Variants in KLF12 observed in about 807,000 individuals in gnomAD.
KLF12 encodes Krueppel-like factor 12.
Under a neutral mutation model 37.8 loss-of-function variants are expected in KLF12, and 9 were observed. The observed-to-expected ratio is 0.24, with a 90% CI of 0.14 to 0.42. The LOEUF is 0.42. Among genes scored for constraint, KLF12 ranks in the 10% least tolerant of loss-of-function variants. The probability of loss-of-function intolerance (pLI) is 1.00; values close to 1 mark genes in which losing one functional copy is unlikely to be tolerated. For missense variants in KLF12, 411 were observed against 516.0 expected (o/e 0.80, Z 1.97); for synonymous variants, 208 against 202.1 (o/e 1.03, Z -0.25).
At chr13:73,834,490 C>T (rs577172329) in intron 4 of KLF12, among the ~76,000 whole-genome samples, 2 of 152,248 alleles carry the variant, frequency 1.3e-5, no homozygotes, top group East Asian at 3.9e-4. Context: ...CTGTCCATTG[C>T]ATTTATTTTC....
At chr13:74,037,833 G>A (rs944639476) in intron 1 of KLF12, among the ~76,000 whole-genome samples, 2 of 152,194 alleles carry the variant, frequency 1.3e-5, no homozygotes, top group African/African-American at 4.8e-5. Context: ...CACTGCTGCT[G>A]TCTCTTAATA....
chr13:73,824,172 T>C (rs565187441), intron 4 of KLF12, among the ~76,000 whole-genome samples: 5 of 151,772 alleles, frequency 3.3e-5, no homozygotes, highest in East Asian at 1.9e-4. Context: ...ATTTGATCGG[T>C]TGATAAACAC....
the KLF12 span, among the ~76,000 whole-genome samples, chr13:74,268,166 A>AC: frequency 0.8 from 121,589 of 152,032 alleles, 48,859 homozygotes; most frequent in East Asian, 0.99. Context: ...CTAAGGAGAG[A>AC]TTCTCTATAT....
chr13:73,845,896 T>C lies in KLF12; in HGVS notation c.601A>G (p.Arg201Gly). ...GTGTTGTTCACATTTCCAGGTGACCTTACAGCTGTGTAGACAACAGGCACC... is the reference window on the plus strand; with the variant it reads ...GTGTTGTTCACATTTCCAGGTGACCCTACAGCTGTGTAGACAACAGGCACC... The change falls in exon 4 of 8, where the codon AGG (arginine) becomes GGG (glycine). Residue 201 changes from arginine to glycine, a missense_variant. Transcript: ENST00000377669. 1 of 1,614,150 alleles carries C rather than the reference T, an allele frequency of 6.2e-7. No homozygotes were observed. Among genetic ancestry groups the C allele is most frequent in the Non-Finnish European group, 8.5e-7 (1 of 1,179,998 alleles).
intron 3 of KLF12, among the ~76,000 whole-genome samples, chr13:73,873,978 CA>C (rs772226036): frequency 1.3e-5 from 2 of 151,630 alleles, no homozygotes; most frequent in Non-Finnish European, 2.9e-5. Flanking sequence ...CAAATGAATA[CA>C]AGTGAACTTG....
chr13:74,190,614 T>A, the KLF12 span, among the ~76,000 whole-genome samples: 14 of 152,246 alleles, frequency 9.2e-5, no homozygotes. Flanking sequence ...CAATTAATAC[T>A]TTATCATTTG....
At chr13:73,791,420 G>C (rs1881681903) in intron 5 of KLF12, among the ~76,000 whole-genome samples, 2 of 152,072 alleles carry the variant, frequency 1.3e-5, no homozygotes, top group East Asian at 1.9e-4. Flanking sequence ...CACATGAGCT[G>C]TTTGTCATTT....
the KLF12 span, among the ~76,000 whole-genome samples, chr13:74,177,394 G>T: frequency 6.6e-6 from 1 of 152,270 alleles, no homozygotes; most frequent in Non-Finnish European, 1.5e-5. Flanking sequence ...ATTTTTGCCA[G>T]CCCTGCGTAA....
At chr13:74,086,154 A>G (rs966874406) in intron 1 of KLF12, among the ~76,000 whole-genome samples, 9 of 151,844 alleles carry the variant, frequency 5.9e-5, no homozygotes, top group Non-Finnish European at 1.3e-4. Flanking sequence ...GTTTTAGGGT[A>G]CACGTGCACA....
intron 1 of KLF12, among the ~76,000 whole-genome samples, chr13:74,088,982 C>T (rs1875487551): frequency 6.6e-6 from 1 of 152,116 alleles, no homozygotes; most frequent in Non-Finnish European, 1.5e-5. Flanking sequence ...AAATAAAACG[C>T]CTGTGTAGTA....
the KLF12 span, among the ~76,000 whole-genome samples, chr13:74,166,364 T>G: frequency 6.6e-6 from 1 of 152,118 alleles, no homozygotes; most frequent in African/African-American, 2.4e-5. Flanking sequence ...AGTGCTGGGA[T>G]TATAGGCACG....
At chr13:74,027,909 T>C (rs1893018478) in intron 1 of KLF12, among the ~76,000 whole-genome samples, 1 of 152,182 alleles carries the variant, frequency 6.6e-6, no homozygotes. Flanking sequence ...TTCCAAATTA[T>C]TTCATCACGA....
chr13:74,085,571 C>G (rs936457399), intron 1 of KLF12, among the ~76,000 whole-genome samples: 1 of 152,134 alleles, frequency 6.6e-6, no homozygotes, highest in Non-Finnish European at 1.5e-5. Context: ...TTAGAGAGAC[C>G]TAAAAATTTT....
At chr13:73,787,353 A>C (rs1045563603) in intron 5 of KLF12, among the ~76,000 whole-genome samples, 10 of 152,232 alleles carry the variant, frequency 6.6e-5, no homozygotes, top group Non-Finnish European at 1.5e-4. Context: ...GTAGTTAGTC[A>C]GAGAGGCAAA....
At chr13:73,743,188 A>G (rs1878125567) in intron 6 of KLF12, among the ~76,000 whole-genome samples, 1 of 152,236 alleles carries the variant, frequency 6.6e-6, no homozygotes, top group Non-Finnish European at 1.5e-5. Flanking sequence ...ATGTTTATTT[A>G]ACGGTAGATC....
intron 6 of KLF12, among the ~76,000 whole-genome samples, chr13:73,762,254 AT>A (rs1879613002): frequency 6.6e-6 from 1 of 152,092 alleles, no homozygotes; most frequent in African/African-American, 2.4e-5. Context: ...ATTCCAGTGG[AT>A]TTTGTTTGCC....
At chr13:73,905,150 T>C (rs1888215511) in intron 3 of KLF12, among the ~76,000 whole-genome samples, 2 of 152,200 alleles carry the variant, frequency 1.3e-5, no homozygotes, top group African/African-American at 4.8e-5. Flanking sequence ...AAAAATTAAA[T>C]ATGATTTTAG....
At chr13:73,921,909 T>C (rs1889135269) in intron 3 of KLF12, among the ~76,000 whole-genome samples, 1 of 152,156 alleles carries the variant, frequency 6.6e-6, no homozygotes, top group African/African-American at 2.4e-5. Flanking sequence ...TTATCACACC[T>C]AGAGATTACA....
At chr13:73,752,788 C>T (rs1201057849) in intron 6 of KLF12, among the ~76,000 whole-genome samples, 1 of 150,606 alleles carries the variant, frequency 6.6e-6, no homozygotes, top group Non-Finnish European at 1.5e-5. Flanking sequence ...ACGATCTCAG[C>T]TCACTGTAAC....
Sources: allele counts gnomAD v4.1 joint callset (sites outside exome capture counted in the v4.1 genomes callset), GRCh38; gene constraint gnomAD v4.1.1; transcripts MANE v1.5; gene names NCBI Gene and HGNC (gene_info 2026-07-23, HGNC 2026-07-21).